The following RBFOX1 variants were observed in gnomAD, a reference collection of about 807,000 sequenced individuals.
RBFOX1 encodes the protein RNA binding fox-1 homolog 1, also known as RNA binding protein fox-1 homolog 1.
RBFOX1 carries 8 observed loss-of-function variants against 57.7 expected under a neutral mutation model. The observed-to-expected ratio is 0.14, with a 90% CI of 0.08 to 0.25. RBFOX1 has a LOEUF of 0.25. RBFOX1 is among the 10% of genes least tolerant of loss of function. The probability of loss-of-function intolerance (pLI) is 1.00; values close to 1 mark genes in which losing one functional copy is unlikely to be tolerated. For missense variants in RBFOX1, 611 were observed against 548.5 expected, an observed-to-expected ratio of 1.11 and a Z score of -1.14; for synonymous variants, 326 against 222.4, an observed-to-expected ratio of 1.47 and a Z score of -4.15.
intron 3 of RBFOX1, among the ~76,000 whole-genome samples, chr16:5,774,111 C>T (rs571671489): frequency 5.8e-4 from 89 of 152,284 alleles, no homozygotes; most frequent in African/African-American, 2.1e-3. Flanking sequence ...TTACAAAGCC[C>T]TTTCACGTGC....
intron 2 of RBFOX1, among the ~76,000 whole-genome samples, chr16:6,328,784 T>C (rs778039598): frequency 5.8e-4 from 88 of 152,254 alleles, no homozygotes; most frequent in Admixed American, 2.9e-3. Flanking sequence ...CCTTTTACTA[T>C]AGAGAATGGG....
At chr16:7,542,699 GAAAA>G (rs59316335) in intron 5 of RBFOX1, among the ~76,000 whole-genome samples, 29 of 74,354 alleles carry the variant, frequency 3.9e-4, no homozygotes, top group African/African-American at 9.7e-4. Context: ...TACTAAAAAT[GAAAA>G]AAAAAAAAAA....
intron 4 of RBFOX1, among the ~76,000 whole-genome samples, chr16:5,970,748 A>G (rs1250852251): frequency 6.6e-6 from 1 of 152,200 alleles, no homozygotes; most frequent in African/African-American, 2.4e-5. Context: ...CTGAAATGGC[A>G]CTGACATCAA....
intron 3 of RBFOX1, among the ~76,000 whole-genome samples, chr16:6,828,580 A>G (rs542134296): frequency 1.2e-3 from 178 of 151,836 alleles, no homozygotes; most frequent in Non-Finnish European, 1.8e-3. Context: ...GGCTGATCAG[A>G]TCCTGAAAAA....
At chr16:5,385,962 C>T (rs1372686325) in intron 1 of RBFOX1, among the ~76,000 whole-genome samples, 2 of 151,666 alleles carry the variant, frequency 1.3e-5, no homozygotes, top group African/African-American at 2.4e-5. Flanking sequence ...TTTTTTTGTA[C>T]ATCTAAACCA....
At chr16:6,192,324 TA>T (rs1287555653) in intron 1 of RBFOX1, among the ~76,000 whole-genome samples, 1 of 152,124 alleles carries the variant, frequency 6.6e-6, no homozygotes. Flanking sequence ...CGCTAATGAG[TA>T]GGTAGAGATG....
At chr16:5,827,924 T>TCCAC (rs1373296086) in intron 3 of RBFOX1, among the ~76,000 whole-genome samples, 2 of 113,556 alleles carry the variant, frequency 1.8e-5, no homozygotes, top group East Asian at 5.6e-4. Flanking sequence ...CATCCACCCA[T>TCCAC]CCACCCACCC....
At chr16:5,923,519 C>G (rs866433582) in intron 4 of RBFOX1, among the ~76,000 whole-genome samples, 18 of 150,224 alleles carry the variant, frequency 1.2e-4, no homozygotes, top group African/African-American at 3.9e-4. Flanking sequence ...TCATCTGTCT[C>G]CAGAGCCAGG....
At chr16:6,381,896 A>G (rs1391675630) in intron 2 of RBFOX1, among the ~76,000 whole-genome samples, 1 of 152,202 alleles carries the variant, frequency 6.6e-6, no homozygotes, top group Admixed American at 6.5e-5. Flanking sequence ...CCCCTGCTGC[A>G]CTGCAGATTC....
chr16:6,502,302 A>C (rs1343171801), intron 2 of RBFOX1, among the ~76,000 whole-genome samples: 1 of 152,120 alleles, frequency 6.6e-6, no homozygotes, highest in Non-Finnish European at 1.5e-5. Context: ...TCTACCTGGC[A>C]TGCCACCTTT....
intron 3 of RBFOX1, among the ~76,000 whole-genome samples, chr16:6,667,356 C>T (rs908100346): frequency 1.1e-4 from 17 of 152,114 alleles, no homozygotes; most frequent in African/African-American, 4.1e-4. Context: ...GGAAGCTCAT[C>T]TAAAGAATGC....
intron 3 of RBFOX1, among the ~76,000 whole-genome samples, chr16:6,729,061 A>G (rs1035864286): frequency 6.6e-6 from 1 of 152,186 alleles, no homozygotes; most frequent in Non-Finnish European, 1.5e-5. Context: ...TGTTTCTCAC[A>G]TATTCCCAGT....
At chr16:5,333,039 T>G (rs866212170) in intron 1 of RBFOX1, among the ~76,000 whole-genome samples, 3 of 151,988 alleles carry the variant, frequency 2.0e-5, no homozygotes, top group African/African-American at 7.2e-5. Context: ...TACAAAAAAA[T>G]TAGCCGGGTG....
chr16:7,044,823 G>A lies in RBFOX1; in HGVS notation c.-15-7234G>A, dbSNP rs139750730. ...GCAGGGTCTTTCTTCATCACAGACT[G>A]TAGGGAGTTACAGGTGCCTTTTTTT... On this transcript the variant is annotated intron_variant, in intron 3 of 15. Transcript: ENST00000550418. 4.2e-3 allele frequency among the ~76,000 whole-genome samples: 632 copies of A among 152,254 alleles called. 5 individuals are homozygous for A. Among genetic ancestry groups the A allele is most frequent in the African/African-American group, 0.014 (580 of 41,550 alleles).
At chr16:6,954,549 A>G (rs55744418) in intron 3 of RBFOX1, among the ~76,000 whole-genome samples, 6,186 of 152,188 alleles carry the variant, frequency 0.041, 420 homozygotes, top group African/African-American at 0.14. Flanking sequence ...AACTGTCCTC[A>G]CCTGTTGTCC....
In RBFOX1 at chr16:5,946,567, G is replaced by A. The variant is rs926780978; in HGVS notation, c.351+79232G>A. 2.0e-5 allele frequency among the ~76,000 whole-genome samples: 3 copies of A among 152,024 alleles called. No homozygotes were observed. Among genetic ancestry groups the A allele is most frequent in the Admixed American group, 6.6e-5 (1 of 15,264 alleles). On this transcript the variant is annotated intron_variant, in intron 4 of 19. Coordinates refer to the RBFOX1 transcript ENST00000641259. This position sits in a 1 kb window ranked among gnomAD's most constrained non-coding sequence, Gnocchi z 4.6. ...ACTCTATGCATATTTTTTTCCAACT[G>A]GGTGTTCCTGAGTTATATCCTTTAC...
chr16:5,812,711 C>G (rs550756612), intron 3 of RBFOX1, among the ~76,000 whole-genome samples: 9 of 152,302 alleles, frequency 5.9e-5, no homozygotes, highest in African/African-American at 1.2e-4. Flanking sequence ...GTCCTTTCAC[C>G]TCTGCCTTCC....
chr16:6,811,267 A>G (rs2088482249), intron 3 of RBFOX1, among the ~76,000 whole-genome samples: 2 of 152,240 alleles, frequency 1.3e-5, no homozygotes, highest in African/African-American at 2.4e-5. Flanking sequence ...GTAAAAGAGA[A>G]CAAAAGAAGA....
At chr16:7,097,320 G>C (rs898436502) in intron 4 of RBFOX1, among the ~76,000 whole-genome samples, 4 of 152,052 alleles carry the variant, frequency 2.6e-5, no homozygotes, top group African/African-American at 9.7e-5. Context: ...TGAGGAGTAT[G>C]GTCAGAGAGA....
Sources: allele counts gnomAD v4.1 joint callset (sites outside exome capture counted in the v4.1 genomes callset), GRCh38; gene constraint gnomAD v4.1.1; non-coding constraint Gnocchi (gnomAD v3.1); transcripts MANE v1.5; gene names NCBI Gene and HGNC (gene_info 2026-07-23, HGNC 2026-07-21).